The following DAB1 variants were observed in gnomAD, a reference collection of about 807,000 sequenced individuals.
The protein encoded by DAB1 is disabled homolog 1.
DAB1 carries 15 observed loss-of-function variants against 64.6 expected under a neutral mutation model. The observed-to-expected ratio is 0.23, with a 90% CI of 0.16 to 0.36. The LOEUF is 0.36. Ranked by LOEUF, DAB1 falls within the 10% of genes least tolerant of loss-of-function variation. The pLI, the probability that DAB1 is intolerant of heterozygous loss-of-function variation, is 1.00. For missense variants in DAB1, 596 were observed against 706.7 expected, an observed-to-expected ratio of 0.84 and a Z score of 1.78; for synonymous variants, 235 against 251.9, an observed-to-expected ratio of 0.93 and a Z score of 0.64.
intron 4 of DAB1, among the ~76,000 whole-genome samples, chr1:58,304,625 AAAG>A (rs1412176522): frequency 2.0e-5 from 3 of 152,218 alleles, no homozygotes; most frequent in African/African-American, 7.2e-5. Flanking sequence ...TATGATATGG[AAAG>A]AAGATCTCTA....
At chr1:57,026,671 G>T (rs1297916095) in intron 9 of DAB1, among the ~76,000 whole-genome samples, 1 of 152,102 alleles carries the variant, frequency 6.6e-6, no homozygotes, top group African/African-American at 2.4e-5. Flanking sequence ...GTGGTTGGAG[G>T]AAAAGAAAAC....
intron 5 of DAB1, among the ~76,000 whole-genome samples, chr1:57,916,224 G>C (rs1246801152): frequency 2.6e-5 from 4 of 152,144 alleles, no homozygotes; most frequent in Non-Finnish European, 5.9e-5. Flanking sequence ...GATTCGACAG[G>C]CACTGACAGC....
intron 1 of DAB1, among the ~76,000 whole-genome samples, chr1:58,537,839 A>T (rs1646541367): frequency 6.6e-6 from 1 of 152,226 alleles, no homozygotes; most frequent in Non-Finnish European, 1.5e-5. Flanking sequence ...AAAATGTATG[A>T]AAGACATATT....
intron 5 of DAB1, among the ~76,000 whole-genome samples, chr1:58,035,346 G>GT (rs1412149707): frequency 3.9e-5 from 6 of 152,202 alleles, no homozygotes; most frequent in Non-Finnish European, 7.3e-5. Context: ...CAGATAAACA[G>GT]TTTTTTGCTG....
intron 6 of DAB1, among the ~76,000 whole-genome samples, chr1:57,780,402 T>C (rs531064058): frequency 1.3e-5 from 2 of 152,282 alleles, no homozygotes; most frequent in Admixed American, 6.5e-5. Flanking sequence ...CTAAGTAGCA[T>C]GGCCCTGTCA....
intron 14 of DAB1, among the ~76,000 whole-genome samples, chr1:57,004,712 C>G (rs185335340): frequency 6.6e-6 from 1 of 152,238 alleles, no homozygotes; most frequent in East Asian, 1.9e-4. Context: ...TATTGGTAGT[C>G]AGAGGGGAAA....
chr1:57,541,927 C>T (rs541452535), intron 7 of DAB1, among the ~76,000 whole-genome samples: 12 of 151,784 alleles, frequency 7.9e-5, no homozygotes, highest in Non-Finnish European at 1.2e-4. Context: ...GGTTTTAAAC[C>T]GCAGGGGGCT....
At chr1:57,939,411 G>A (rs1410911475) in intron 5 of DAB1, among the ~76,000 whole-genome samples, 1 of 152,160 alleles carries the variant, frequency 6.6e-6, no homozygotes, top group Non-Finnish European at 1.5e-5. Context: ...TCTGAGATGA[G>A]CTAGATGTAT....
At chr1:57,193,599 G>C (rs1664361066) in intron 2 of DAB1, among the ~76,000 whole-genome samples, 1 of 151,996 alleles carries the variant, frequency 6.6e-6, no homozygotes, top group South Asian at 2.1e-4. Flanking sequence ...TGTTAGCCAG[G>C]ATGGTCTCGA....
intron 10 of DAB1, 88 bp from the exon 11 acceptor site, chr1:57,023,727 C>T: frequency 1.2e-6 from 1 of 823,306 alleles, no homozygotes; most frequent in Non-Finnish European, 2.1e-6. Context: ...AATTAAGGCG[C>T]AGGGGAAGGG....
At chr1:58,519,141 C>A (rs1646220256) in intron 2 of DAB1, among the ~76,000 whole-genome samples, 2 of 152,150 alleles carry the variant, frequency 1.3e-5, no homozygotes, top group African/African-American at 4.8e-5. Context: ...GTATAAGGGT[C>A]ATAACAGAGA....
chr1:58,250,307 C>T (rs185680151), intron 4 of DAB1, among the ~76,000 whole-genome samples: 2 of 152,308 alleles, frequency 1.3e-5, no homozygotes, highest in East Asian at 1.9e-4. Context: ...CAGTAGAGGG[C>T]GAGCGGGCTC....
chr1:57,159,966 A>G (rs1045390225), intron 2 of DAB1, among the ~76,000 whole-genome samples: 3 of 151,642 alleles, frequency 2.0e-5, no homozygotes, highest in Admixed American at 2.0e-4. Flanking sequence ...AGGCTTGAGG[A>G]GCGTAGCCTA....
intron 5 of DAB1, among the ~76,000 whole-genome samples, chr1:58,103,326 A>C (rs1424746035): frequency 1.3e-5 from 2 of 152,124 alleles, no homozygotes. Flanking sequence ...CACAGGGTGG[A>C]AAACTTTCTC....
chr1:57,614,417 A>G (rs1250409024), intron 7 of DAB1, among the ~76,000 whole-genome samples: 1 of 152,206 alleles, frequency 6.6e-6, no homozygotes, highest in East Asian at 1.9e-4. Context: ...AAAGTGTCAT[A>G]CTGTCTTAAA....
chr1:57,284,918 C>T (rs1239260399), intron 2 of DAB1, among the ~76,000 whole-genome samples: 8 of 152,176 alleles, frequency 5.3e-5, no homozygotes, highest in African/African-American at 1.4e-4. Flanking sequence ...GGTTCACACT[C>T]GGTTTGATGT....
At chr1:58,318,681 A>G (rs12750369) in intron 4 of DAB1, among the ~76,000 whole-genome samples, 52,538 of 151,984 alleles carry the variant, frequency 0.35, 9,171 homozygotes, top group East Asian at 0.43. Context: ...CTAAGCCAGT[A>G]CTCTTTCCAC....
At chr1:57,591,984 A>G (rs1205924094) in intron 7 of DAB1, among the ~76,000 whole-genome samples, 1 of 152,198 alleles carries the variant, frequency 6.6e-6, no homozygotes, top group Non-Finnish European at 1.5e-5. Flanking sequence ...TTTTTCTCAG[A>G]TAAGTTACAA....
At chr1:57,034,302 TCCCCTCATCTC>T (rs1647064638) in intron 9 of DAB1, among the ~76,000 whole-genome samples, 1 of 113,704 alleles carries the variant, frequency 8.8e-6, no homozygotes, top group East Asian at 2.4e-4. Flanking sequence ...GAAATGCTCC[TCCCCTCATCTC>T]TGCAAGCTCA....
Sources: allele counts gnomAD v4.1 joint callset (sites outside exome capture counted in the v4.1 genomes callset), GRCh38; gene constraint gnomAD v4.1.1; transcripts MANE v1.5; gene names NCBI Gene and HGNC (gene_info 2026-07-23, HGNC 2026-07-21).